Variants in LY75 observed in about 807,000 individuals in gnomAD.
The protein encoded by LY75 is C-type lectin domain family 13 member B.
A neutral mutation model predicts 231.7 loss-of-function variants in LY75; 185 were observed. That is an observed-to-expected ratio of 0.80 (90% CI 0.71 to 0.90). The LOEUF (loss-of-function observed/expected upper bound fraction) is 0.90, where lower values mean the gene tolerates loss of function less well. LY75 is among the 40% of genes least tolerant of loss of function. The probability of loss-of-function intolerance (pLI) is 0.00; values close to 1 mark genes in which losing one functional copy is unlikely to be tolerated. For synonymous variants in LY75, 668 were observed against 689.0 expected (o/e 0.97, Z 0.48); for missense variants, 1,947 against 2,050.2 (o/e 0.95, Z 0.97).
chr2:159,879,222 T>C (rs755215108), intron 9 of LY75, 37 bp downstream of exon 9: 45 of 1,600,190 alleles, frequency 2.8e-5, no homozygotes, highest in Non-Finnish European at 3.7e-5. Flanking sequence ...GAAGTTGTAA[T>C]ACTGCTTGAG....
chr2:159,872,662 T>C (rs746199564), intron 12 of LY75, 69 bp from the exon 13 acceptor site: 95 of 1,544,520 alleles, frequency 6.2e-5, no homozygotes, highest in Non-Finnish European at 8.3e-5. Context: ...CTAAAGTCAA[T>C]TACTGTCACA....
Position 159,834,090 on chromosome 2 carries a change from A to G in LY75, c.3795T>C (p.His1265=). The G allele has an allele frequency of 6.2e-7, 1 of 1,613,958 alleles. No individual in the cohort carries two copies. Among genetic ancestry groups the G allele is most frequent in the East Asian group, 2.2e-5 (1 of 44,844 alleles). ...CYNFIITKNR[H]MATTQDEVHT... is the part of the protein sequence containing the mutation. The stretch of plus-strand genomic sequence containing the variant: ...GAACTTCATCCTGTGTTGTTGCCAT[A>G]TGCCTATTCTTTGTTATTATGAAAT... The change falls in exon 27 of 35, where the codon CAT becomes CAC. Residue 1265 remains histidine (H), a synonymous_variant. Transcript: ENST00000263636.
chr2:159,851,372 T>C (rs1574558019), intron 21 of LY75, among the ~76,000 whole-genome samples: 2 of 152,146 alleles, frequency 1.3e-5, no homozygotes, highest in Non-Finnish European at 2.9e-5. Flanking sequence ...TTCAGCTTTC[T>C]TATAGACTGG....
intron 25 of LY75, among the ~76,000 whole-genome samples, chr2:159,840,205 C>A (rs901712292): frequency 6.6e-6 from 1 of 151,970 alleles, no homozygotes; most frequent in African/African-American, 2.4e-5. Context: ...TATATCTCCA[C>A]CAGAACCTTT....
intron 4 of LY75, among the ~76,000 whole-genome samples, chr2:159,887,385 CT>C (rs1230781834): frequency 6.6e-6 from 1 of 151,140 alleles, no homozygotes; most frequent in Non-Finnish European, 1.5e-5. Context: ...CGGTGAAACC[CT>C]GTCTCTACTA....
chr2:159,818,053 A>T (rs534453636), intron 29 of LY75, among the ~76,000 whole-genome samples: 19 of 152,184 alleles, frequency 1.2e-4, no homozygotes, highest in East Asian at 7.7e-4. Context: ...CATCTCCAAA[A>T]AAATAAATAA....
rs1341394980 is a variant in LY75, at chr2:159,850,791, T to TATATATATATATATATATATATAAATAA, written c.2884-325_2884-324insTTATTTATATATATATATATATATATAT. On this transcript the variant is annotated intron_variant, in intron 21 of 34. Coordinates refer to ENST00000263636, the MANE Select transcript of LY75 (RefSeq NM_002349.4). ...AAACTTTCATATATATATATATATA[T>TATATATATATATATATATATATAAATAA]ATATATATTATATCTTATATATAAG... Among the ~76,000 whole-genome samples, 11 of 94,510 alleles carry TATATATATATATATATATATATAAATAA rather than the reference T, an allele frequency of 1.2e-4. 1 individual carries two copies. Among genetic ancestry groups the TATATATATATATATATATATATAAATAA allele is most frequent in the African/African-American group, 3.6e-4 (9 of 25,116 alleles). The allele number at this position is 94,510 out of a possible 152,430, so 62.0% of individuals were successfully genotyped here. A position where few individuals can be genotyped will look rare whatever the true frequency, so the allele number is the denominator to read the frequency against.
intron 28 of LY75, among the ~76,000 whole-genome samples, chr2:159,823,730 A>C (rs578226489): frequency 6.6e-6 from 1 of 152,238 alleles, no homozygotes; most frequent in Non-Finnish European, 1.5e-5. Context: ...AGGGAAGCCC[A>C]TCAGACTAAT....
chr2:159,881,363 G>T (rs957420882), intron 7 of LY75, 123 bp from the exon 8 acceptor site: 1 of 1,174,118 alleles, frequency 8.5e-7, no homozygotes, highest in Non-Finnish European at 1.1e-6. Flanking sequence ...TTCTTAATTC[G>T]GTTATTAATA....
Position 159,808,540 on chromosome 2 carries a change from A to T in LY75, c.4731T>A (p.Asp1577Glu). ...DHSATIVSIK[D>E]EDENKFVSRL... is the part of the protein sequence containing the mutation. ...TGCTCACAAATTTATTCTCATCTTC[A>T]TCTTTTATGGAAACGATAGTTGCAG... The change falls in exon 33 of 35, where the codon GAT becomes GAA. Residue 1577 changes from aspartate (D) to glutamate (E), a missense_variant. Asp to Glu is a conservative substitution (Grantham distance 45). Coordinates refer to ENST00000263636, the MANE Select transcript of LY75 (RefSeq NM_002349.4). 1 of 1,613,774 alleles carries T rather than the reference A, an allele frequency of 6.2e-7. No individual in the cohort carries two copies. The highest frequency in any genetic ancestry group is 8.5e-7 in the Non-Finnish European group (1 of 1,179,950).
intron 25 of LY75, among the ~76,000 whole-genome samples, chr2:159,838,201 C>G (rs1341442832): frequency 6.6e-6 from 1 of 152,188 alleles, no homozygotes; most frequent in African/African-American, 2.4e-5. Flanking sequence ...TGTTTAAAAT[C>G]TTTCAATATC....
intron 8 of LY75, among the ~76,000 whole-genome samples, chr2:159,880,229 A>C (rs1188283832): frequency 6.6e-6 from 1 of 152,252 alleles, no homozygotes; most frequent in African/African-American, 2.4e-5. Context: ...GTAGAGGTAC[A>C]TATATCTTTT....
chr2:159,879,319 GCATA>G lies in LY75; in HGVS notation c.1451_1454del (p.Val484AlafsTer8). ...CATTCAGTTTTTCTCCCTTTCTCTTGCATACATATTTTAGTTTCTCCTCACATGA... is the reference window on the plus strand; with the variant it reads ...CATTCAGTTTTTCTCCCTTTCTCTTGCATATTTTAGTTTCTCCTCACATGA... On this transcript the variant is annotated frameshift_variant, in exon 9 of 35. Coordinates refer to ENST00000263636, the MANE Select transcript of LY75 (RefSeq NM_002349.4). LOFTEE classifies it high-confidence loss of function. 1 of 1,613,686 alleles carries G rather than the reference GCATA, an allele frequency of 6.2e-7. No individual in the cohort carries two copies. Among genetic ancestry groups the G allele is most frequent in the Non-Finnish European group, 8.5e-7 (1 of 1,179,870 alleles).
chr2:159,806,064 A>T (rs1292512398), intron 34 of LY75, among the ~76,000 whole-genome samples: 2 of 152,166 alleles, frequency 1.3e-5, no homozygotes, highest in African/African-American at 2.4e-5. Flanking sequence ...TTTAGATCTT[A>T]GCTTCGGTGT....
At chr2:159,899,120 G>A in intron 1 of LY75, 61 bp from the exon 2 acceptor site, 1 of 1,563,444 alleles carries the variant, frequency 6.4e-7, no homozygotes, top group Non-Finnish European at 8.6e-7. Flanking sequence ...CTCCCTGCCT[G>A]CTGAGGAGAG....
At chr2:159,850,789 T>TATATATATATATATAAAA (rs796940571) in intron 21 of LY75, among the ~76,000 whole-genome samples, 2,005 of 88,630 alleles carry the variant, frequency 0.023, 152 homozygotes, top group Non-Finnish European at 0.042. Context: ...TATATATATA[T>TATATATATATATATAAAA]ATATATATAT....
intron 21 of LY75, among the ~76,000 whole-genome samples, chr2:159,851,935 C>A (rs2556086): frequency 0.59 from 90,304 of 152,048 alleles, 27,515 homozygotes; most frequent in African/African-American, 0.71. Context: ...ATCCCAATCC[C>A]TCAACAGATC....
At chr2:159,887,673 G>T (rs527739528) in intron 4 of LY75, among the ~76,000 whole-genome samples, 1 of 151,872 alleles carries the variant, frequency 6.6e-6, no homozygotes, top group Non-Finnish European at 1.5e-5. Context: ...ATAATTAGGC[G>T]TATTGATATG....
rs1184555826 is a variant in LY75, at chr2:159,850,032, T to A, written c.3098A>T (p.Tyr1033Phe). The A allele has an allele frequency of 1.9e-6, 3 of 1,613,928 alleles. No homozygotes were observed. Among genetic ancestry groups the A allele is most frequent in the Non-Finnish European group, 1.7e-6 (2 of 1,179,948 alleles). ...AACCAATAATGGGTGAAAGTTACTG[T>A]ACGTCAGCTCTCTGTTATCTGTCCA... ...NKWTDNRELT[Y>F]SNFHPLLVSG... Residue 1033 changes from tyrosine (Y) to phenylalanine (F), a missense_variant, in exon 23 of 35, where the codon TAC (tyrosine) becomes TTC (phenylalanine). Physicochemically the swap from Tyr to Phe is conservative, Grantham distance 22. Transcript: ENST00000263636.
Sources: allele counts gnomAD v4.1 joint callset (sites outside exome capture counted in the v4.1 genomes callset), GRCh38; gene constraint gnomAD v4.1.1; transcripts MANE v1.5; gene names NCBI Gene and HGNC (gene_info 2026-07-23, HGNC 2026-07-21).